The following SEH1L variants were observed in gnomAD, a reference collection of about 807,000 sequenced individuals.
SEH1L encodes the protein nucleoporin SEH1.
SEH1L carries 18 observed loss-of-function variants against 49.5 expected under a neutral mutation model. The observed-to-expected ratio is 0.36, with a 90% CI of 0.25 to 0.54. The LOEUF is 0.54. Among genes scored for constraint, SEH1L ranks in the 20% least tolerant of loss-of-function variants. The probability of loss-of-function intolerance (pLI) is 0.87; values close to 1 mark genes in which losing one functional copy is unlikely to be tolerated. For missense variants in SEH1L, 404 were observed against 528.8 expected, an observed-to-expected ratio of 0.76 and a Z score of 2.31; for synonymous variants, 169 against 178.1, an observed-to-expected ratio of 0.95 and a Z score of 0.41.
chr18:12,975,004 T>A (rs546152124), intron 5 of SEH1L, among the ~76,000 whole-genome samples: 9 of 146,692 alleles, frequency 6.1e-5, no homozygotes, highest in South Asian at 4.4e-4. Flanking sequence ...TTTTATTTTT[T>A]TTTTTGAGAT....
At chr18:12,981,476 C>T (rs1184879532) in intron 6 of SEH1L, among the ~76,000 whole-genome samples, 4 of 152,350 alleles carry the variant, frequency 2.6e-5, no homozygotes, top group African/African-American at 4.8e-5. Context: ...CCGAGGCTGG[C>T]GGATCACTCG....
At chr18:12,984,284 G>T in intron 8 of SEH1L, 94 bp downstream of exon 8, 1 of 1,310,610 alleles carries the variant, frequency 7.6e-7, no homozygotes, top group Non-Finnish European at 1.1e-6. Context: ...ATTATAAGAT[G>T]GAGTGGAAAT....
chr18:12,962,322 C>T (rs1312252830), intron 3 of SEH1L, among the ~76,000 whole-genome samples: 1 of 150,726 alleles, frequency 6.6e-6, no homozygotes, highest in Non-Finnish European at 1.5e-5. Context: ...TCACTTGAGC[C>T]ATGATCATGG....
At chr18:12,983,411 C>T (rs543207331) in intron 7 of SEH1L, among the ~76,000 whole-genome samples, 65 of 152,196 alleles carry the variant, frequency 4.3e-4, no homozygotes, top group Non-Finnish European at 7.5e-4. Flanking sequence ...CCTTCCTTTC[C>T]TCAGTGTAAT....
rs140359077 is a variant in SEH1L at position 12,965,332 on chromosome 18, G to T, written c.521+1961G>T. ...CAGTCCATTTCCTAATTCTTATATTGCTTGTATACTGGCAAGATTTATAAT... is the reference window on the plus strand; with the variant it reads ...CAGTCCATTTCCTAATTCTTATATTTCTTGTATACTGGCAAGATTTATAAT... On this transcript the variant is annotated intron_variant, in intron 4 of 8. Transcript: ENST00000399892. Among the ~76,000 whole-genome samples the T allele has an allele frequency of 9.2e-5, 14 of 152,222 alleles. No homozygotes were observed. In the East Asian group the frequency reaches 2.7e-3, roughly 29 times the overall value.
At chr18:12,967,129 T>A (rs2031486163) in intron 4 of SEH1L, among the ~76,000 whole-genome samples, 1 of 152,236 alleles carries the variant, frequency 6.6e-6, no homozygotes, top group Non-Finnish European at 1.5e-5. Flanking sequence ...CAATGTTCTA[T>A]AAAGTTGCCA....
rs2032491485 is a variant in SEH1L, at chr18:12,987,004, A to C, written c.1213A>C (p.Arg405=). 2.5e-6 allele frequency: 4 copies of C among 1,613,648 alleles called. No homozygotes were observed. Among genetic ancestry groups the C allele is most frequent in the Non-Finnish European group, 2.5e-6 (3 of 1,179,704 alleles). The change falls in exon 9 of 9, where the codon AGA becomes CGA. Residue 405 remains arginine (R), a synonymous_variant. Transcript: ENST00000399892. ...CAACCTCCAGTATCCTCACCCTCGC[A>C]GACGATATCTCTCTCGGCCTCTTAA... ...TANLQYPHPR[R]RYLSRPLNPL...
chr18:12,968,179 T>C (rs1298044989), intron 4 of SEH1L, among the ~76,000 whole-genome samples: 1 of 152,180 alleles, frequency 6.6e-6, no homozygotes, highest in African/African-American at 2.4e-5. Context: ...GGTATTGGCA[T>C]TTTTCTCCTG....
intron 1 of SEH1L, among the ~76,000 whole-genome samples, chr18:12,950,421 A>G (rs561939783): frequency 7.9e-5 from 12 of 152,234 alleles, no homozygotes; most frequent in African/African-American, 2.9e-4. Flanking sequence ...TGAGCAAGTA[A>G]TATATTTTTC....
chr18:12,948,029 C>T lies in SEH1L; in HGVS notation c.-93C>T, dbSNP rs2030217141. The stretch of plus-strand genomic sequence containing the variant: ...CGTGGGCAGCACAAGCCGTGCGCTC[C>T]CGGGCTGCGAGGTCTGGCTAGGCTA... On this transcript the variant is annotated 5_prime_UTR_variant, in exon 1 of 9. Coordinates refer to ENST00000399892, the MANE Select transcript of SEH1L (RefSeq NM_001013437.2). 9.0e-6 allele frequency: 8 copies of T among 890,294 alleles called. No individual in the cohort carries two copies. The highest frequency in any genetic ancestry group is 2.7e-5 in the East Asian group (1 of 37,216). The allele number at this position is 890,294 out of a possible 1,614,324, so 55.1% of individuals were successfully genotyped here.
intron 2 of SEH1L, among the ~76,000 whole-genome samples, chr18:12,954,832 A>G (rs1348548450): frequency 6.6e-6 from 1 of 152,218 alleles, no homozygotes; most frequent in Non-Finnish European, 1.5e-5. Context: ...ATGTGCACCC[A>G]TTTAAAGTGT....
rs1476206930 is a variant in SEH1L at position 12,978,636 on chromosome 18, A to G, written c.621-116A>G. ...TTTGGGGGCTGCTGTTGAGCCCACTACAGAGGTGAGCACTACATGATTGTG... is the reference window on the plus strand; with the variant it reads ...TTTGGGGGCTGCTGTTGAGCCCACTGCAGAGGTGAGCACTACATGATTGTG... On this transcript the variant is annotated intron_variant, in intron 5 of 8. Transcript: ENST00000399892. 5 of 792,404 alleles carry G rather than the reference A, an allele frequency of 6.3e-6. No homozygotes were observed. In the East Asian group the frequency reaches 1.3e-4, roughly 21 times the overall value. 49.1% of individuals were successfully genotyped at this position (792,404 alleles called of 1,614,324 possible).
At chr18:12,956,169 T>C (rs2030845227) in intron 3 of SEH1L, among the ~76,000 whole-genome samples, 1 of 151,878 alleles carries the variant, frequency 6.6e-6, no homozygotes, top group Non-Finnish European at 1.5e-5. Context: ...CTCAGCCTCC[T>C]GAGTAGCTGG....
chr18:12,953,330 T>C (rs1212123494), intron 2 of SEH1L, among the ~76,000 whole-genome samples: 1 of 152,168 alleles, frequency 6.6e-6, no homozygotes, highest in Non-Finnish European at 1.5e-5. Context: ...GCCATGTAAG[T>C]CTGTGTAGAC....
In SEH1L at chr18:12,948,320, T is replaced by C. The variant is rs2030245392; in HGVS notation, c.111+88T>C. 16 of 935,128 alleles carry C rather than the reference T, an allele frequency of 1.7e-5. No individual in the cohort carries two copies. In the East Asian group the frequency reaches 4.2e-4, roughly 25 times the overall value. The allele number at this position is 935,128 out of a possible 1,614,324, so 57.9% of individuals were successfully genotyped here. The stretch of plus-strand genomic sequence containing the variant: ...CGCGGGGAACGGGGCTGTGTCTTGG[T>C]TCAGTGACGCCGCTGGAAGCTGTGG... On this transcript the variant is annotated intron_variant, in intron 1 of 8. Transcript: ENST00000399892.
At chr18:12,969,211 G>GCCC (rs112516463) in intron 4 of SEH1L, among the ~76,000 whole-genome samples, 2 of 55,108 alleles carry the variant, frequency 3.6e-5, no homozygotes, top group African/African-American at 1.7e-4. Flanking sequence ...CTCTGTACCC[G>GCCC]CCCCCCCCCC....
rs2030803064 is a variant in SEH1L at position 12,955,573 on chromosome 18, A to G, written c.273A>G (p.Gly91=). The change falls in exon 3 of 9, where the codon GGA becomes GGG. Residue 91 remains glycine (G), a synonymous_variant. Coordinates refer to ENST00000399892, the MANE Select transcript of SEH1L (RefSeq NM_001013437.2). ...RTAAVWEEIV[G]ESNDKLRGQS... Reference sequence around the variant, plus strand: ...CTGCTGTATGGGAAGAAATAGTAGGAGAATCAAATGATAAACTGCGAGGAC... The same window carrying G: ...CTGCTGTATGGGAAGAAATAGTAGGGGAATCAAATGATAAACTGCGAGGAC... 1 of 1,613,960 alleles carries G rather than the reference A, an allele frequency of 6.2e-7. No individual in the cohort carries two copies. Among genetic ancestry groups the G allele is most frequent in the African/African-American group, 1.3e-5 (1 of 74,892 alleles).
chr18:12,969,846 C>T (rs1047102140), intron 4 of SEH1L, among the ~76,000 whole-genome samples: 6 of 150,368 alleles, frequency 4.0e-5, no homozygotes, highest in African/African-American at 1.2e-4. Flanking sequence ...GATCAGAGAT[C>T]GCCACTGCAC....
At chr18:12,980,377 CCCCCACCTCCCT>C (rs2032158387) in intron 6 of SEH1L, among the ~76,000 whole-genome samples, 3 of 113,826 alleles carry the variant, frequency 2.6e-5, no homozygotes, top group South Asian at 3.6e-4. Context: ...GGGGCTGACC[CCCCCACCTCCCT>C]CCCGGACGGG....
Sources: allele counts gnomAD v4.1 joint callset (sites outside exome capture counted in the v4.1 genomes callset), GRCh38; gene constraint gnomAD v4.1.1; transcripts MANE v1.5; gene names NCBI Gene and HGNC (gene_info 2026-07-23, HGNC 2026-07-21).